ESYT3: variants seen among roughly 807,000 people sequenced by gnomAD.
The protein encoded by ESYT3 is extended synaptotagmin 3, also known as extended synaptotagmin-3.
A neutral mutation model predicts 111.5 loss-of-function variants in ESYT3; 101 were observed. The ratio of observed to expected loss-of-function variants is 0.91; its 90% CI spans 0.77 to 1.07. The LOEUF (loss-of-function observed/expected upper bound fraction) is 1.07. Among genes scored for constraint, ESYT3 ranks in the 50% least tolerant of loss-of-function variants. The pLI is 0.00. For synonymous variants in ESYT3, 416 were observed against 446.8 expected (o/e 0.93, Z 0.87); for missense variants, 1,097 against 1,109.4 (o/e 0.99, Z 0.16).
At chr3:138,445,201 G>A (rs2031450877) in intron 1 of ESYT3, among the ~76,000 whole-genome samples, 1 of 152,194 alleles carries the variant, frequency 6.6e-6, no homozygotes, top group Non-Finnish European at 1.5e-5. Context: ...CCACTAGCTG[G>A]TCCCAGAGAC....
rs1248723822 is a variant in ESYT3, at chr3:138,435,331, C to A, written c.327+206C>A. Among the ~76,000 whole-genome samples the A allele has an allele frequency of 6.6e-6, 1 of 152,194 alleles. No individual in the cohort carries two copies. Among genetic ancestry groups the A allele is most frequent in the Admixed American group, 6.5e-5 (1 of 15,284 alleles). On this transcript the variant is annotated intron_variant, in intron 1 of 22. Transcript: ENST00000389567. The surrounding 1 kb of genome is among the most constrained non-coding windows in gnomAD (Gnocchi z 4.8). Reference sequence around the variant, plus strand: ...GCGGCGCGCAGCACCCTCACGTCCACCTCTGGTCCGACTGCGGTGGGAGTG... The same window carrying A: ...GCGGCGCGCAGCACCCTCACGTCCAACTCTGGTCCGACTGCGGTGGGAGTG...
At chr3:138,447,455 T>C (rs151149756) in intron 1 of ESYT3, among the ~76,000 whole-genome samples, 285 of 152,290 alleles carry the variant, frequency 1.9e-3, no homozygotes, top group African/African-American at 6.4e-3. Context: ...ATAATGGGAA[T>C]AGAAAAATGA....
chr3:138,476,741 CAGGACTAGGCAG>C (rs1258392871), intron 22 of ESYT3, 65 bp from the exon 23 acceptor site: 1 of 1,435,032 alleles, frequency 7.0e-7, no homozygotes, highest in Non-Finnish European at 9.8e-7. Flanking sequence ...CCCAGGCAGG[CAGGACTAGGCAG>C]TTTGTCCTGT....
chr3:138,472,435 CTCA>C lies in ESYT3; in HGVS notation c.1817_1819del (p.Ile606del), dbSNP rs2033269602. 1.2e-6 allele frequency: 2 copies of C among 1,614,082 alleles called. No individual in the cohort carries two copies. Among genetic ancestry groups the C allele is most frequent in the African/African-American group, 2.7e-5 (2 of 74,940 alleles). On this transcript the variant is annotated inframe_deletion, in exon 18 of 23. Transcript: ENST00000389567. ...TGAAGCCCTAAAGAAAGGCCCTCTG[CTCA>C]TCAAGAAAGTGGCTACCAACCAGGG...
chr3:138,473,153 T>C, intron 18 of ESYT3: 1 of 1,306,794 alleles, frequency 7.7e-7, no homozygotes, highest in South Asian at 2.1e-5. Context: ...AAGCTTAATA[T>C]GTAGAATTAT....
At chr3:138,475,033 G>T (rs754596831) in intron 20 of ESYT3, among the ~76,000 whole-genome samples, 2 of 152,098 alleles carry the variant, frequency 1.3e-5, no homozygotes, top group Non-Finnish European at 2.9e-5. Context: ...TTTTAAAAAG[G>T]GTTACACTGA....
intron 9 of ESYT3, 122 bp downstream of exon 9, chr3:138,464,637 C>G (rs1372855021): frequency 9.5e-7 from 1 of 1,057,386 alleles, no homozygotes; most frequent in Non-Finnish European, 1.4e-6. Context: ...AATTCCTGCT[C>G]CTGTATCTAC....
intron 20 of ESYT3, 122 bp from the exon 21 acceptor site, chr3:138,476,101 G>T: frequency 1.5e-6 from 1 of 664,606 alleles, no homozygotes. Context: ...AGCCAGTCCT[G>T]CTCTAGGTGC....
intron 3 of ESYT3, 69 bp from the exon 4 acceptor site, chr3:138,457,499 G>C: frequency 1.4e-6 from 2 of 1,392,424 alleles, no homozygotes; most frequent in South Asian, 1.2e-5. Flanking sequence ...CCCAGTGCCG[G>C]GGGGAGAGCT....
chr3:138,467,578 G>T lies in ESYT3; in HGVS notation c.1187G>T (p.Gly396Val). 1 of 1,614,182 alleles carries T rather than the reference G, an allele frequency of 6.2e-7. No homozygotes were observed. Among genetic ancestry groups the T allele is most frequent in the South Asian group, 1.1e-5 (1 of 91,078 alleles). ...DFLGSLQICL[G>V]DVMTNRVVDE... ...TATTCCAGCCTGCAGATCTGCCTTG[G>T]AGATGTCATGACCAACAGAGTGGTG... The change falls in exon 11 of 23, where the codon GGA (glycine) becomes GTA (valine). Residue 396 changes from glycine to valine, a missense_variant. By Grantham distance (109) the Gly-to-Val change is moderately radical. Coordinates refer to ENST00000389567, the MANE Select transcript of ESYT3 (RefSeq NM_031913.5).
chr3:138,459,989 C>T lies in ESYT3; in HGVS notation c.693C>T (p.Asp231=). 1 of 1,614,128 alleles carries T rather than the reference C, an allele frequency of 6.2e-7. No homozygotes were observed. The highest frequency in any genetic ancestry group is 8.5e-7 in the Non-Finnish European group (1 of 1,179,998). The stretch of plus-strand genomic sequence containing the variant: ...TCATCCTGGAGCCCCTCCTAGTGGA[C>T]AAGCCCTTTGTGGGAGCCGTGACTG... ...LRVILEPLLV[D]KPFVGAVTVF... Residue 231 remains aspartate, a synonymous_variant, in exon 6 of 23, where the codon GAC becomes GAT. Transcript: ENST00000389567.
At chr3:138,448,793 C>T (rs1490592568) in intron 1 of ESYT3, among the ~76,000 whole-genome samples, 3 of 152,208 alleles carry the variant, frequency 2.0e-5, no homozygotes, top group Non-Finnish European at 4.4e-5. Flanking sequence ...TACTCAGGGG[C>T]AGTCACAAGG....
chr3:138,476,771 A>G (rs760948958), intron 22 of ESYT3, 47 bp from the exon 23 acceptor site: 8 of 1,594,772 alleles, frequency 5.0e-6, no homozygotes, highest in Non-Finnish European at 6.9e-6. Context: ...TGTTACCACA[A>G]CACACTGTCA....
chr3:138,476,262 G>A lies in ESYT3; in HGVS notation c.2508G>A (p.Arg836=), dbSNP rs376174136. The A allele has an allele frequency of 2.5e-6, 4 of 1,613,782 alleles. No individual in the cohort carries two copies. In the African/African-American group the frequency reaches 4.0e-5, roughly 16 times the overall value. Residue 836 remains arginine, a synonymous_variant, in exon 21 of 23, where the codon AGG becomes AGA. Transcript: ENST00000389567. ...FFVPMEEVKK[R]SLDVAVKNSR... ...TTCCCATGGAAGAAGTAAAGAAGAG[G>A]TCACTAGATGTTGCAGTGAAAAATA... is the stretch of plus-strand genomic sequence containing the variant.
At chr3:138,463,257 G>C (rs867752436) in intron 8 of ESYT3, among the ~76,000 whole-genome samples, 2 of 152,058 alleles carry the variant, frequency 1.3e-5, no homozygotes, top group East Asian at 3.8e-4. Flanking sequence ...ACCAAGCCTG[G>C]CTAATTTTTG....
At chr3:138,443,692 TTGTG>T (rs566853954) in intron 1 of ESYT3, among the ~76,000 whole-genome samples, 128 of 151,712 alleles carry the variant, frequency 8.4e-4, no homozygotes, top group African/African-American at 2.8e-3. Flanking sequence ...TCTGTTTAGT[TTGTG>T]TGTGTCTGCG....
rs768119222 is a variant in ESYT3, at chr3:138,455,272, G to C, written c.448G>C (p.Glu150Gln). 2.3e-5 allele frequency: 37 copies of C among 1,614,028 alleles called. No individual in the cohort carries two copies. The Admixed American group carries it at 6.0e-4, about 26-fold the overall frequency. ...GGAGAAACTTGAGCCCAAGATCCGA[G>C]AGAAGAGCATCCACCTGAGGACCTT... ...FREKLEPKIR[E>Q]KSIHLRTFTF... is the part of the protein sequence containing the mutation. The change falls in exon 3 of 23, where the codon GAG becomes CAG. Residue 150 changes from glutamate (E) to glutamine (Q), a missense_variant. Transcript: ENST00000389567.
Position 138,434,779 on chromosome 3 carries a change from G to A in ESYT3, c.-20G>A. ...AAGCTCGGGTGAAGCTCTCGGGAAG[G>A]GCAAGACTGCGGCGACGAGATGCGA... On this transcript the variant is annotated 5_prime_UTR_variant, in exon 1 of 23. Coordinates refer to ENST00000389567, the MANE Select transcript of ESYT3 (RefSeq NM_031913.5). The A allele has an allele frequency of 1.3e-6, 2 of 1,526,802 alleles. No homozygotes were observed. Among genetic ancestry groups the A allele is most frequent in the Middle Eastern group, 2.4e-4 (1 of 4,194 alleles). The allele number at this position is 1,526,802 out of a possible 1,614,324, so 94.6% of individuals were successfully genotyped here.
rs1381113006 is a variant in ESYT3, at chr3:138,435,054, G to A, written c.256G>A (p.Ala86Thr). 1.3e-5 allele frequency: 21 copies of A among 1,591,418 alleles called. No homozygotes were observed. In the Admixed American group the frequency reaches 3.8e-4, roughly 28 times the overall value. The part of the protein sequence containing the change: ...RRGKLGRLAA[A>T]FEFLDNEREF... ...CGGGAAGCTTGGGCGCCTGGCCGCC[G>A]CCTTCGAATTCCTTGACAATGAACG... Residue 86 changes from alanine to threonine, a missense_variant, in exon 1 of 23, where the codon GCC (alanine) becomes ACC (threonine). Ala to Thr is a moderately conservative substitution (Grantham distance 58). Transcript: ENST00000389567. This position sits in a 1 kb window ranked among gnomAD's most constrained non-coding sequence, Gnocchi z 4.8.
Sources: allele counts gnomAD v4.1 joint callset (sites outside exome capture counted in the v4.1 genomes callset), GRCh38; gene constraint gnomAD v4.1.1; non-coding constraint Gnocchi (gnomAD v3.1); transcripts MANE v1.5; gene names NCBI Gene and HGNC (gene_info 2026-07-23, HGNC 2026-07-21).